The following BID variants were observed in gnomAD, a reference collection of about 807,000 sequenced individuals.
BID encodes BH3-interacting domain death agonist.
In BID, 19 loss-of-function variants were observed where a neutral mutation model predicts 17.4. That is an observed-to-expected ratio of 1.09 (90% CI 0.76 to 1.60). The LOEUF is 1.60. Ranked by LOEUF, BID falls within the 40% of genes most tolerant of loss-of-function variation. The probability of loss-of-function intolerance (pLI) is 0.00; values close to 1 mark genes in which losing one functional copy is unlikely to be tolerated. For synonymous variants in BID, 108 were observed against 102.8 expected, an observed-to-expected ratio of 1.05 and a Z score of -0.31; for missense variants, 226 against 256.0, an observed-to-expected ratio of 0.88 and a Z score of 0.80.
chr22:17,737,336 C>T (rs1281538641), intron 5 of BID, among the ~76,000 whole-genome samples: 3 of 152,002 alleles, frequency 2.0e-5, no homozygotes, highest in Non-Finnish European at 4.4e-5. Context: ...TTTGACTACT[C>T]GTTTTGGTTC....
chr22:17,738,018 T>G lies in BID; in HGVS notation c.575A>C (p.Asn192Thr), dbSNP rs550005605. The G allele has an allele frequency of 3.1e-6, 5 of 1,614,014 alleles. No individual in the cohort carries two copies. The highest frequency in any genetic ancestry group is 1.1e-5 in the South Asian group (1 of 91,088). ...GGAGCTGACCTCAAGGGTTCTTACA[T>G]TTCTGGCTAAGCTCCTCACGTAGGT... Reference protein sequence around the residue: ...LRTYVRSLARNGMD With the variant: ...LRTYVRSLARTGMD The change falls in exon 5 of 6, where the codon AAT becomes ACT. Residue 192 changes from asparagine (N) to threonine (T), a missense_variant and splice_region_variant. Coordinates refer to ENST00000622694, the MANE Select transcript of BID (RefSeq NM_001196.4).
In BID at chr22:17,735,544, C is replaced by T. The variant is rs758207864; in HGVS notation, c.*36G>A. The T allele has an allele frequency of 9.3e-6, 15 of 1,613,806 alleles. No individual in the cohort carries two copies. The highest frequency in any genetic ancestry group is 8.0e-5 in the African/African-American group (6 of 74,926). On this transcript the variant is annotated 3_prime_UTR_variant, in exon 6 of 6. Transcript: ENST00000622694. ...AGCAGCTATACAGCTGTGACCACAT[C>T]GAGCTTTAGCCAGTCACACTTCTGG...
rs184323983 is a variant in BID, at chr22:17,762,315, G to A, written c.-59+12066C>T. The stretch of plus-strand genomic sequence containing the variant: ...AGTTTGAGACCAGCCTGACCAATAT[G>A]GTGAAATCCCGTCTCTACTAAAAAT... On this transcript the variant is annotated intron_variant, in intron 1 of 5. Transcript: ENST00000622694. Among the ~76,000 whole-genome samples, 8 of 152,234 alleles carry A rather than the reference G, an allele frequency of 5.3e-5. No homozygotes were observed. The East Asian group carries it at 1.2e-3, about 22-fold the overall frequency.
chr22:17,759,416 C>T (rs415050), intron 1 of BID, among the ~76,000 whole-genome samples: 63,270 of 150,638 alleles, frequency 0.42, 16,126 homozygotes, highest in South Asian at 0.63. Flanking sequence ...AAAAATTAGC[C>T]GGGCGTGCAC....
chr22:17,737,975 T>A (rs767295453), intron 5 of BID, 42 bp downstream of exon 5: 1 of 1,603,340 alleles, frequency 6.2e-7, no homozygotes, highest in Non-Finnish European at 8.5e-7. Flanking sequence ...GAAAAGGGCA[T>A]GGGCGGCAGG....
chr22:17,772,274 C>G (rs140683919), intron 1 of BID, among the ~76,000 whole-genome samples: 1 of 152,264 alleles, frequency 6.6e-6, no homozygotes, highest in Admixed American at 6.5e-5. Flanking sequence ...GAGGGCGGTC[C>G]GCCAGGTATG....
rs764590275 is a variant in BID, at chr22:17,743,926, G to A, written c.100C>T (p.Arg34Cys). 146 of 1,613,802 alleles carry A rather than the reference G, an allele frequency of 9.0e-5. 1 individual carries two copies. Among genetic ancestry groups the A allele is most frequent in the Middle Eastern group, 1.6e-4 (1 of 6,084 alleles). Residue 34 changes from arginine to cysteine, a missense_variant, in exon 3 of 6, where the codon CGC (arginine) becomes TGC (cysteine). Transcript: ENST00000622694. ...FLQSCSDNSF[R>C]RELDALGHEL... The stretch of plus-strand genomic sequence containing the variant: ...TGGCCCAGTGCGTCCAGCTCTCTGC[G>A]GAAGCTGTTGTCAGAACAGCTTTGG...
chr22:17,756,466 TCTTTCTTTCTTTTCTTTCTTTC>T (rs1569047821), intron 1 of BID, among the ~76,000 whole-genome samples: 1,891 of 104,564 alleles, frequency 0.018, 21 homozygotes, highest in African/African-American at 0.037. Context: ...TTTCTTTCTT[TCTTTCTTTCTTTTCTTTCTTTC>T]TTTCTTTCTC....
At chr22:17,770,626 T>C (rs1354969187) in intron 1 of BID, among the ~76,000 whole-genome samples, 1 of 152,210 alleles carries the variant, frequency 6.6e-6, no homozygotes, top group African/African-American at 2.4e-5. Flanking sequence ...CTGCCAGCCT[T>C]GGATGAAAGC....
intron 1 of BID, among the ~76,000 whole-genome samples, chr22:17,763,430 G>C (rs1486820111): frequency 1.3e-5 from 2 of 152,088 alleles, no homozygotes; most frequent in Non-Finnish European, 2.9e-5. Context: ...TTTTAGTAGA[G>C]ACCGGGTTCC....
Position 17,760,827 on chromosome 22 carries a change from C to G in BID, c.-58-10653G>C, listed in dbSNP as rs114941183. 8.2e-3 allele frequency among the ~76,000 whole-genome samples: 1,243 copies of G among 152,222 alleles called. 12 individuals are homozygous for G. Among genetic ancestry groups the G allele is most frequent in the African/African-American group, 0.029 (1,185 of 41,544 alleles). On this transcript the variant is annotated intron_variant, in intron 1 of 5. Coordinates refer to ENST00000622694, the MANE Select transcript of BID (RefSeq NM_001196.4). ...ATCAGCATGGGAAGACTCAAAGTCT[C>G]TTTTCATAACGATTTTCTAATGCAT...
At position 17,750,098 on chromosome 22, in the gene BID, C is replaced by G; in HGVS notation, c.12+7G>C. ...ACAAGGCACCCGCAGGGGATCTGGC[C>G]TCTGACCTCACAGTCCATGGCCTGG... On this transcript the variant is annotated splice_region_variant and intron_variant, in intron 2 of 5. Transcript: ENST00000622694. The G allele has an allele frequency of 6.2e-7, 1 of 1,612,726 alleles. No homozygotes were observed. The highest frequency in any genetic ancestry group is 8.5e-7 in the Non-Finnish European group (1 of 1,179,772).
At position 17,769,624 on chromosome 22, in the gene BID, G is replaced by A. The variant is rs1013056782; in HGVS notation, c.-59+4757C>T. On this transcript the variant is annotated intron_variant, in intron 1 of 5. Coordinates refer to ENST00000622694, the MANE Select transcript of BID (RefSeq NM_001196.4). The surrounding 1 kb of genome is among the most constrained non-coding windows in gnomAD (Gnocchi z 4.8). ...GAAGTGCCTGCTGGAAGGATCCTGGGGACAGTTGTTAAGGCAATTTTATCT... is the reference window on the plus strand; with the variant it reads ...GAAGTGCCTGCTGGAAGGATCCTGGAGACAGTTGTTAAGGCAATTTTATCT... Among the ~76,000 whole-genome samples, 1 of 152,162 alleles carries A rather than the reference G, an allele frequency of 6.6e-6. No homozygotes were observed. Among genetic ancestry groups the A allele is most frequent in the African/African-American group, 2.4e-5 (1 of 41,440 alleles).
At position 17,738,015 on chromosome 22, in the gene BID, AC is replaced by A. The variant is rs1405867114; in HGVS notation, c.576+1del. On this transcript the variant is annotated splice_donor_variant, in intron 5 of 5. Coordinates refer to ENST00000622694, the MANE Select transcript of BID (RefSeq NM_001196.4). LOFTEE classifies it high-confidence loss of function. ...GAAGGAGCTGACCTCAAGGGTTCTT[AC>A]ATTTCTGGCTAAGCTCCTCACGTAG... 1.9e-6 allele frequency: 3 copies of A among 1,614,050 alleles called. No individual in the cohort carries two copies. The highest frequency in any genetic ancestry group is 2.5e-6 in the Non-Finnish European group (3 of 1,179,904).
At chr22:17,768,166 T>A (rs1381868133) in intron 1 of BID, among the ~76,000 whole-genome samples, 3 of 152,240 alleles carry the variant, frequency 2.0e-5, no homozygotes, top group Non-Finnish European at 4.4e-5. Context: ...ACTGAAATGT[T>A]CTGCCTGTAG....
rs1425719027 is a variant in BID, at chr22:17,738,075, G to A, written c.518C>T (p.Thr173Ile). 1 of 1,614,196 alleles carries A rather than the reference G, an allele frequency of 6.2e-7. No homozygotes were observed. Among genetic ancestry groups the A allele is most frequent in the Non-Finnish European group, 8.5e-7 (1 of 1,180,048 alleles). ...GTTCTGGTTAATAAAATTCACTGTT[G>A]TGTGAAAGACATCACGGAGCAAGGA... ...TPSLLRDVFH[T>I]TVNFINQNLR... Residue 173 changes from threonine (T) to isoleucine (I), a missense_variant, in exon 5 of 6, where the codon ACA (threonine) becomes ATA (isoleucine). Transcript: ENST00000622694.
chr22:17,760,850 C>T (rs2061633184), intron 1 of BID, among the ~76,000 whole-genome samples: 1 of 152,138 alleles, frequency 6.6e-6, no homozygotes, highest in East Asian at 1.9e-4. Context: ...TTTTCTAATG[C>T]ATCTGGCCAG....
intron 1 of BID, among the ~76,000 whole-genome samples, chr22:17,757,816 C>T (rs1047323833): frequency 2.0e-5 from 3 of 152,202 alleles, no homozygotes; most frequent in African/African-American, 7.2e-5. Flanking sequence ...GTTCTCAGAG[C>T]TCCCAACAGC....
In BID at chr22:17,761,230, C is replaced by T. The variant is rs117003902; in HGVS notation, c.-58-11056G>A. Among the ~76,000 whole-genome samples, 29 of 152,210 alleles carry T rather than the reference C, an allele frequency of 1.9e-4. No individual in the cohort carries two copies. The East Asian group carries it at 4.8e-3, about 25-fold the overall frequency. On this transcript the variant is annotated intron_variant, in intron 1 of 5. Coordinates refer to ENST00000622694, the MANE Select transcript of BID (RefSeq NM_001196.4). ...TGGACAGTTGTTTAAGGCAGGCTCG[C>T]GGGTGTCTGAGAGAGACTTGATTAT...
Sources: gnomAD v4.1 joint callset for allele counts (sites outside exome capture counted in the v4.1 genomes callset) on GRCh38, gnomAD v4.1.1 for gene constraint, Gnocchi (gnomAD v3.1) non-coding constraint, MANE v1.5 for transcripts, NCBI Gene and HGNC (gene_info 2026-07-23, HGNC 2026-07-21) for gene names.